IQCB1: variants seen among roughly 807,000 people sequenced by gnomAD.
IQCB1 encodes IQ calmodulin-binding motif-containing protein 1.
Under a neutral mutation model 84.4 loss-of-function variants are expected in IQCB1, and 56 were observed. The ratio of observed to expected loss-of-function variants is 0.66; its 90% confidence interval spans 0.54 to 0.83. The LOEUF (loss-of-function observed/expected upper bound fraction) is 0.83, where lower values mean the gene tolerates loss of function less well. IQCB1 is among the 40% of genes least tolerant of loss of function. IQCB1 has a pLI of 0.00. For missense variants in IQCB1, 629 were observed against 682.1 expected (o/e 0.92, Z 0.87); for synonymous variants, 210 against 234.8 (o/e 0.89, Z 0.96).
chr3:121,813,922 C>A (rs887341790), intron 5 of IQCB1, among the ~76,000 whole-genome samples: 16 of 152,168 alleles, frequency 1.1e-4, no homozygotes, highest in Admixed American at 5.9e-4. Flanking sequence ...ACCAAGCGGA[C>A]CTAATAGACA....
chr3:121,786,170 C>G (rs112588141), intron 12 of IQCB1, among the ~76,000 whole-genome samples: 1,373 of 72,392 alleles, frequency 0.019, 67 homozygotes, highest in African/African-American at 0.047. Context: ...GATTCTGTCT[C>G]AAAAGAAAAG....
intron 7 of IQCB1, among the ~76,000 whole-genome samples, chr3:121,803,700 C>G (rs1188064962): frequency 1.3e-5 from 2 of 152,088 alleles, no homozygotes; most frequent in Non-Finnish European, 2.9e-5. Flanking sequence ...TATGAAATAA[C>G]CTTCTTTAGC....
At chr3:121,799,130 T>C in intron 8 of IQCB1, 66 bp downstream of exon 8, 1 of 1,262,040 alleles carries the variant, frequency 7.9e-7, no homozygotes, top group Non-Finnish European at 1.1e-6. Context: ...AATTTTGTTT[T>C]TCATAAACCA....
At position 121,809,008 on chromosome 3, in the gene IQCB1, G is replaced by T; in HGVS notation, c.395C>A (p.Ala132Asp). Residue 132 changes from alanine to aspartate, a missense_variant and splice_region_variant, in exon 6 of 15, where the codon GCT becomes GAT. Transcript: ENST00000310864. ...LQTCFINAAK[A>D]EEKDELLHFF... ...GTGTAGTAATTCATCTTTTTCTTCA[G>T]CCTTAACATAAAAGATAAGCCCAGT... 6.3e-7 allele frequency: 1 copy of T among 1,581,530 alleles called. No homozygotes were observed. The highest frequency in any genetic ancestry group is 8.7e-7 in the Non-Finnish European group (1 of 1,151,722).
At chr3:121,797,086 T>C (rs753767744) in intron 9 of IQCB1, 32 bp downstream of exon 9, 6 of 1,091,714 alleles carry the variant, frequency 5.5e-6, no homozygotes, top group Non-Finnish European at 8.5e-6. Context: ...TCAGCAAATA[T>C]CATGCAATTT....
At chr3:121,825,630 C>G (rs973648595) in intron 5 of IQCB1, among the ~76,000 whole-genome samples, 1 of 152,028 alleles carries the variant, frequency 6.6e-6, no homozygotes, top group Non-Finnish European at 1.5e-5. Context: ...GAAAAGACCC[C>G]TATGTTTGGG....
chr3:121,815,930 A>G (rs1033181937), intron 5 of IQCB1, among the ~76,000 whole-genome samples: 2 of 87,318 alleles, frequency 2.3e-5, no homozygotes, highest in African/African-American at 8.1e-5. Context: ...TGTGGAACCA[A>G]AAAAAAAAAA....
chr3:121,803,218 C>G lies in IQCB1; in HGVS notation c.588-3844G>C, dbSNP rs552093798. ...TAGAGGCACCTGCCACCATGCCCAG[C>G]TAATTTTTTGTACTTTTTGTAGAGA... On this transcript the variant is annotated intron_variant, in intron 7 of 14. Coordinates refer to ENST00000310864, the MANE Select transcript of IQCB1 (RefSeq NM_001023570.4). 1.1e-4 allele frequency among the ~76,000 whole-genome samples: 16 copies of G among 152,190 alleles called. No homozygotes were observed. In the South Asian group the frequency reaches 3.3e-3, roughly 32 times the overall value.
chr3:121,781,555 T>C (rs1035590631), intron 13 of IQCB1, among the ~76,000 whole-genome samples, 188 bp downstream of exon 13: 2 of 152,122 alleles, frequency 1.3e-5, no homozygotes, highest in African/African-American at 4.8e-5. Context: ...TATACCTCTA[T>C]GGCTATGTAA....
In IQCB1 at chr3:121,828,878, A is replaced by G. The variant is rs376276010; in HGVS notation, c.83T>C (p.Ile28Thr). The change falls in exon 3 of 15, where the codon ATA (isoleucine) becomes ACA (threonine). Residue 28 changes from isoleucine (I) to threonine (T), a missense_variant. Coordinates refer to ENST00000310864, the MANE Select transcript of IQCB1 (RefSeq NM_001023570.4). The stretch of plus-strand genomic sequence containing the variant: ...TTTCTTACCTTTTAACTTCAACAGT[A>G]TAACAGGGACATTCTGCTCAGGGCT... The part of the protein sequence containing the change: ...AKSPEQNVPV[I>T]LLKLKEIINI... The G allele has an allele frequency of 6.9e-6, 11 of 1,598,064 alleles. No homozygotes were observed. The highest frequency in any genetic ancestry group is 9.4e-6 in the Non-Finnish European group (11 of 1,166,616).
At chr3:121,807,249 C>CG (rs71133575) in intron 7 of IQCB1, 95 bp downstream of exon 7, 4 of 735,436 alleles carry the variant, frequency 5.4e-6, no homozygotes, top group African/African-American at 1.7e-5. Context: ...ACATTATATA[C>CG]AAATCATATG....
chr3:121,824,485 C>T (rs191208433), intron 5 of IQCB1, among the ~76,000 whole-genome samples: 20 of 152,110 alleles, frequency 1.3e-4, no homozygotes, highest in Admixed American at 1.3e-3. Flanking sequence ...GAAAGTGTAT[C>T]ATGTAAACAC....
In IQCB1 at chr3:121,781,792, C is replaced by A. The variant is rs753426941; in HGVS notation, c.1361G>T (p.Arg454Leu). 3 of 1,613,558 alleles carry A rather than the reference C, an allele frequency of 1.9e-6. No homozygotes were observed. The Admixed American group carries it at 5.0e-5, about 27-fold the overall frequency. The change falls in exon 13 of 15, where the codon CGC (arginine) becomes CTC (leucine). Residue 454 changes from arginine (R) to leucine (L), a missense_variant. By Grantham distance (102) the Arg-to-Leu change is moderately radical (BLOSUM62 -2). Transcript: ENST00000310864. ...WRGLQELTDA[R>L]RVELKKRVDD... ...CACTCGTTTCTTCAGTTCAACTCGG[C>A]GTGCATCAGTGAGTTCTTGGAGTCC...
chr3:121,782,000 G>A, intron 12 of IQCB1, 126 bp from the exon 13 acceptor site: 2 of 926,338 alleles, frequency 2.2e-6, no homozygotes, highest in South Asian at 2.7e-5. Flanking sequence ...ATAAGGAGGG[G>A]AATGGGACTG....
In IQCB1 at chr3:121,828,897, C is replaced by G. The variant is rs1473351493; in HGVS notation, c.64G>C (p.Glu22Gln). 1 of 1,610,906 alleles carries G rather than the reference C, an allele frequency of 6.2e-7. No individual in the cohort carries two copies. Among genetic ancestry groups the G allele is most frequent in the Non-Finnish European group, 8.5e-7 (1 of 1,178,134 alleles). ...SIAAEVAKSP[E>Q]QNVPVILLKL... is the part of the protein sequence containing the mutation. The stretch of plus-strand genomic sequence containing the variant: ...AACAGTATAACAGGGACATTCTGCT[C>G]AGGGCTTTTTGCAACTTCAGCAGCT... The change falls in exon 3 of 15, where the codon GAG becomes CAG. Residue 22 changes from glutamate to glutamine, a missense_variant. By Grantham distance (29) the Glu-to-Gln change is conservative. Transcript: ENST00000310864.
Position 121,772,593 on chromosome 3 carries a change from T to C in IQCB1, c.1531A>G (p.Ile511Val). Residue 511 changes from isoleucine (I) to valine (V), a missense_variant, in exon 14 of 15, where the codon ATA becomes GTA. Transcript: ENST00000310864. The stretch of plus-strand genomic sequence containing the variant: ...TCAACGTTGGTGCTGATCTGTGCTA[T>C]CAGAGCTTCTCTGTGCTGCTGGGCT... ...ERAQQHREAL[I>V]AQISTNVEQL... 6.2e-7 allele frequency: 1 copy of C among 1,614,242 alleles called. No homozygotes were observed.
At chr3:121,773,631 T>C (rs1948100346) in intron 13 of IQCB1, among the ~76,000 whole-genome samples, 2 of 152,174 alleles carry the variant, frequency 1.3e-5, no homozygotes, top group Admixed American at 1.3e-4. Context: ...GATATGACCC[T>C]GTTCCACTAA....
At chr3:121,787,437 G>C (rs903927143) in intron 12 of IQCB1, among the ~76,000 whole-genome samples, 1 of 152,166 alleles carries the variant, frequency 6.6e-6, no homozygotes, top group African/African-American at 2.4e-5. Context: ...ATGCTCTAGA[G>C]AGATCACAGA....
At chr3:121,801,810 C>CTT (rs5852277) in intron 7 of IQCB1, among the ~76,000 whole-genome samples, 30,340 of 89,754 alleles carry the variant, frequency 0.34, 5,741 homozygotes, top group South Asian at 0.46. Context: ...GCTGCAAGGC[C>CTT]TTTTTTTTTT....
Sources: allele counts gnomAD v4.1 joint callset (sites outside exome capture counted in the v4.1 genomes callset), GRCh38; gene constraint gnomAD v4.1.1; transcripts MANE v1.5; gene names NCBI Gene and HGNC (gene_info 2026-07-23, HGNC 2026-07-21).